Variants in ARID1B observed in about 807,000 individuals in gnomAD.
ARID1B encodes AT-rich interactive domain-containing protein 1B.
In ARID1B, 30 loss-of-function variants were observed where a neutral mutation model predicts 212.3. That is an observed-to-expected ratio of 0.14 (90% CI 0.11 to 0.19). The LOEUF is 0.19. ARID1B is among the 10% of genes least tolerant of loss of function. The probability of loss-of-function intolerance (pLI) is 1.00; values close to 1 mark genes in which losing one functional copy is unlikely to be tolerated. For synonymous variants in ARID1B, 1,402 were observed against 1,301.7 expected, an observed-to-expected ratio of 1.08 and a Z score of -1.66; for missense variants, 2,891 against 3,204.0, an observed-to-expected ratio of 0.90 and a Z score of 2.36.
chr6:156,829,860 T>G (rs1254331165), intron 2 of ARID1B: 1 of 152,994 alleles, frequency 6.5e-6, no homozygotes, highest in East Asian at 1.9e-4. Context: ...AAAAAAAAAG[T>G]TTAGTCTCCC....
intron 7 of ARID1B, among the ~76,000 whole-genome samples, chr6:157,146,147 C>A (rs1041952128): frequency 6.6e-6 from 1 of 152,084 alleles, no homozygotes; most frequent in African/African-American, 2.4e-5. Flanking sequence ...GCCATTAAGC[C>A]GGTGTCCCCA....
intron 2 of ARID1B, among the ~76,000 whole-genome samples, chr6:156,866,405 G>T (rs949275477): frequency 6.6e-6 from 1 of 152,198 alleles, no homozygotes; most frequent in Non-Finnish European, 1.5e-5. Context: ...GGATGGTTCT[G>T]CCTTGTCAGC....
At chr6:156,942,969 G>A (rs1391308178) in intron 4 of ARID1B, 1 of 152,214 alleles carries the variant, frequency 6.6e-6, no homozygotes, top group South Asian at 2.1e-4. Flanking sequence ...AGTAGCATTT[G>A]TAGACTGGTT....
chr6:157,188,295 C>G (rs1583476969), intron 13 of ARID1B, among the ~76,000 whole-genome samples: 1 of 152,154 alleles, frequency 6.6e-6, no homozygotes, highest in Admixed American at 6.5e-5. Flanking sequence ...GTGCAGGGCT[C>G]ACAGGGACGG....
chr6:156,974,602 G>C (rs1777115965), intron 4 of ARID1B, among the ~76,000 whole-genome samples: 1 of 152,294 alleles, frequency 6.6e-6, no homozygotes, highest in African/African-American at 2.4e-5. Flanking sequence ...ATGAAATTCA[G>C]ATAATTAAAA....
chr6:157,138,394 C>T (rs922297581), intron 7 of ARID1B, among the ~76,000 whole-genome samples: 5 of 152,106 alleles, frequency 3.3e-5, no homozygotes, highest in East Asian at 1.9e-4. Flanking sequence ...CACCCCACGC[C>T]GGGCTAATTT....
chr6:156,803,098 A>G (rs1280661456), intron 1 of ARID1B, among the ~76,000 whole-genome samples: 1 of 152,118 alleles, frequency 6.6e-6, no homozygotes, highest in Non-Finnish European at 1.5e-5. Flanking sequence ...CTATAGCGAT[A>G]GGTATATGTA....
chr6:156,869,239 A>T (rs1250908085), intron 2 of ARID1B, among the ~76,000 whole-genome samples: 1 of 152,208 alleles, frequency 6.6e-6, no homozygotes, highest in Non-Finnish European at 1.5e-5. Context: ...TGTTTTTTCT[A>T]ATGACACTTC....
At chr6:156,948,049 A>T (rs2128299502) in intron 4 of ARID1B, among the ~76,000 whole-genome samples, 1 of 152,308 alleles carries the variant, frequency 6.6e-6, no homozygotes, top group Admixed American at 6.5e-5. Context: ...GCTCCTGAGC[A>T]TGGTGCCACC....
At chr6:157,052,056 G>T (rs1372585454) in intron 4 of ARID1B, among the ~76,000 whole-genome samples, 1 of 152,164 alleles carries the variant, frequency 6.6e-6, no homozygotes, top group Non-Finnish European at 1.5e-5. Context: ...TGAAGGCTGA[G>T]GCCTTCTATA....
At chr6:156,848,434 ACT>A (rs1363395622) in intron 2 of ARID1B, among the ~76,000 whole-genome samples, 1 of 152,192 alleles carries the variant, frequency 6.6e-6, no homozygotes, top group African/African-American at 2.4e-5. Context: ...TGTTTATGTA[ACT>A]CTACATATGG....
chr6:157,017,256 C>A (rs1234610939), intron 4 of ARID1B, among the ~76,000 whole-genome samples: 2 of 152,084 alleles, frequency 1.3e-5, no homozygotes, highest in Non-Finnish European at 2.9e-5. Flanking sequence ...GGTAATCCAT[C>A]AACAATTCTG....
At chr6:157,074,774 CT>C (rs1324962201) in intron 4 of ARID1B, among the ~76,000 whole-genome samples, 1 of 152,018 alleles carries the variant, frequency 6.6e-6, no homozygotes, top group Non-Finnish European at 1.5e-5. Context: ...TCAGAGGAAA[CT>C]TTTTATCCTA....
intron 2 of ARID1B, among the ~76,000 whole-genome samples, chr6:156,897,008 A>T (rs1041619534): frequency 4.6e-5 from 7 of 152,204 alleles, no homozygotes; most frequent in Admixed American, 2.6e-4. Flanking sequence ...CTGACCCTGC[A>T]TATTTAACGT....
At chr6:157,091,537 G>T (rs1785284208) in intron 5 of ARID1B, among the ~76,000 whole-genome samples, 1 of 152,204 alleles carries the variant, frequency 6.6e-6, no homozygotes, top group South Asian at 2.1e-4. Context: ...AGAGAAAGAT[G>T]AATCTCAGTT....
At chr6:156,818,247 A>T (rs1405893233) in intron 1 of ARID1B, among the ~76,000 whole-genome samples, 1 of 152,030 alleles carries the variant, frequency 6.6e-6, no homozygotes, top group East Asian at 1.9e-4. Flanking sequence ...GATATCTAAT[A>T]GGGTCATATC....
At chr6:156,923,511 C>T (rs1582956675) in intron 3 of ARID1B, among the ~76,000 whole-genome samples, 1 of 152,128 alleles carries the variant, frequency 6.6e-6, no homozygotes, top group Non-Finnish European at 1.5e-5. Context: ...GGTTACTCAA[C>T]CTAATTTTCT....
Position 156,955,916 on chromosome 6 carries a change from G to C in ARID1B, c.2247+20340G>C, listed in dbSNP as rs955817281. On this transcript the variant is annotated intron_variant, in intron 4 of 19. Coordinates refer to ENST00000636930, the MANE Select transcript of ARID1B (RefSeq NM_001374828.1). This position sits in a 1 kb window ranked among gnomAD's most constrained non-coding sequence, Gnocchi z 4.2. ...CTGGAGGCCGCTGGTGGTGGAAGCC[G>C]CGCCTGTTCTATTTCCTCACCTTCC... is the stretch of plus-strand genomic sequence containing the variant. Among the ~76,000 whole-genome samples, 1 of 152,142 alleles carries C rather than the reference G, an allele frequency of 6.6e-6. No homozygotes were observed. Among genetic ancestry groups the C allele is most frequent in the African/African-American group, 2.4e-5 (1 of 41,412 alleles).
intron 2 of ARID1B, among the ~76,000 whole-genome samples, chr6:156,861,811 A>G (rs1785353705): frequency 6.6e-6 from 1 of 152,102 alleles, no homozygotes; most frequent in Admixed American, 6.5e-5. Context: ...TGCTGGTGGT[A>G]TGGAAAGTGG....
Sources: gnomAD v4.1 joint callset for allele counts (sites outside exome capture counted in the v4.1 genomes callset) on GRCh38, gnomAD v4.1.1 for gene constraint, Gnocchi (gnomAD v3.1) non-coding constraint, MANE v1.5 for transcripts, NCBI Gene and HGNC (gene_info 2026-07-23, HGNC 2026-07-21) for gene names.